The following CFAP20DC variants were observed in gnomAD, a reference collection of about 807,000 sequenced individuals.
CFAP20DC encodes the protein protein CFAP20DC.
In CFAP20DC, 84 loss-of-function variants were observed where a neutral mutation model predicts 101.7. That is an observed-to-expected ratio of 0.83 (90% confidence interval 0.69 to 0.99). CFAP20DC has a LOEUF of 0.99. Among genes scored for constraint, CFAP20DC ranks in the 50% least tolerant of loss-of-function variants. CFAP20DC has a pLI of 0.00. For synonymous variants in CFAP20DC, 359 were observed against 351.2 expected, an observed-to-expected ratio of 1.02 and a Z score of -0.25; for missense variants, 1,007 against 970.3, an observed-to-expected ratio of 1.04 and a Z score of -0.50.
rs1221466168 is a variant in CFAP20DC at position 58,892,213 on chromosome 3, C to T, written c.551-7504G>A. Reference sequence around the variant, plus strand: ...CTATGTGCCTGTTTTCGTATCAGTACCATGCTCTTTTGGTTACTGTAGACT... The same window carrying T: ...CTATGTGCCTGTTTTCGTATCAGTATCATGCTCTTTTGGTTACTGTAGACT... On this transcript the variant is annotated intron_variant, in intron 6 of 16. Coordinates refer to ENST00000482387, the MANE Select transcript of CFAP20DC (RefSeq NM_001394063.1). The surrounding 1 kb of genome is among the most constrained non-coding windows in gnomAD (Gnocchi z 4.0). Among the ~76,000 whole-genome samples, 2 of 152,216 alleles carry T rather than the reference C, an allele frequency of 1.3e-5. No individual in the cohort carries two copies. Among genetic ancestry groups the T allele is most frequent in the South Asian group, 2.1e-4 (1 of 4,828 alleles).
intron 13 of CFAP20DC, among the ~76,000 whole-genome samples, chr3:58,844,686 C>T (rs1259762165): frequency 7.8e-6 from 1 of 128,632 alleles, no homozygotes; most frequent in African/African-American, 3.8e-5. Context: ...CAGAACTCTC[C>T]ACCCCAAATC....
Position 58,868,192 on chromosome 3 carries a change from G to A in CFAP20DC, c.1016-256C>T, listed in dbSNP as rs563276729. Reference sequence around the variant, plus strand: ...ACCTTATAGAGGGCTAAAGTAATTTGACTAATGTTAATCATACAACATGGC... The same window carrying A: ...ACCTTATAGAGGGCTAAAGTAATTTAACTAATGTTAATCATACAACATGGC... On this transcript the variant is annotated intron_variant, in intron 9 of 16. Transcript: ENST00000482387. The surrounding 1 kb of genome is among the most constrained non-coding windows in gnomAD (Gnocchi z 4.6). 1.3e-5 allele frequency among the ~76,000 whole-genome samples: 2 copies of A among 152,166 alleles called. No homozygotes were observed. Among genetic ancestry groups the A allele is most frequent in the South Asian group, 2.1e-4 (1 of 4,818 alleles).
intron 6 of CFAP20DC, among the ~76,000 whole-genome samples, chr3:58,904,377 C>A (rs1462359263): frequency 6.6e-6 from 1 of 151,692 alleles, no homozygotes; most frequent in African/African-American, 2.4e-5. Context: ...TATTCATGAC[C>A]CATTTTTGGT....
intron 4 of CFAP20DC, among the ~76,000 whole-genome samples, chr3:58,939,306 C>A (rs2088166251): frequency 6.6e-6 from 1 of 151,878 alleles, no homozygotes; most frequent in African/African-American, 2.4e-5. Flanking sequence ...TCTGTAAGTT[C>A]TCATTAGGAA....
intron 12 of CFAP20DC, among the ~76,000 whole-genome samples, chr3:58,851,875 G>A (rs1172608371): frequency 6.6e-6 from 1 of 152,176 alleles, no homozygotes; most frequent in East Asian, 1.9e-4. Context: ...TGAACTTTTT[G>A]ATGAGAGAAG....
At chr3:58,986,090 C>A (rs951613331) in intron 4 of CFAP20DC, among the ~76,000 whole-genome samples, 1 of 152,154 alleles carries the variant, frequency 6.6e-6, no homozygotes, top group African/African-American at 2.4e-5. Flanking sequence ...ATGAACTGAG[C>A]TAATGAATAT....
rs2078362613 is a variant in CFAP20DC, at chr3:58,852,687, A to G, written c.1594-3278T>C. On this transcript the variant is annotated intron_variant, in intron 12 of 16. Transcript: ENST00000482387. ...AACTCAGGATTAAGAATCTCACTCAAAACCGCTCAACTACATGGAAACTGA... is the reference window on the plus strand; with the variant it reads ...AACTCAGGATTAAGAATCTCACTCAGAACCGCTCAACTACATGGAAACTGA... Among the ~76,000 whole-genome samples, 3 of 150,824 alleles carry G rather than the reference A, an allele frequency of 2.0e-5. 1 individual carries two copies. Among genetic ancestry groups the G allele is most frequent in the South Asian group, 4.3e-4 (2 of 4,688 alleles).
intron 7 of CFAP20DC, among the ~76,000 whole-genome samples, chr3:58,879,004 T>C (rs2081010105): frequency 6.8e-6 from 1 of 147,914 alleles, no homozygotes; most frequent in African/African-American, 2.5e-5. Context: ...CGAGACTTCG[T>C]CTCCGAAAAA....
rs190388749 is a variant in CFAP20DC, at chr3:58,931,974, C to T, written c.393+5674G>A. Among the ~76,000 whole-genome samples the T allele has an allele frequency of 9.2e-5, 14 of 152,204 alleles. No individual in the cohort carries two copies. In the South Asian group the frequency reaches 1.5e-3, roughly 16 times the overall value. ...AAGGCTTCAGATGATCAAACTACTC[C>T]GAGCTACAGGAGGAAATTCAAACCA... is the stretch of plus-strand genomic sequence containing the variant. On this transcript the variant is annotated intron_variant, in intron 5 of 16. Coordinates refer to ENST00000482387, the MANE Select transcript of CFAP20DC (RefSeq NM_001394063.1).
chr3:58,796,397 G>A (rs1196749965), intron 15 of CFAP20DC, among the ~76,000 whole-genome samples: 1 of 152,178 alleles, frequency 6.6e-6, no homozygotes, highest in Non-Finnish European at 1.5e-5. Context: ...TACTAGGGGT[G>A]CCCTTAACTG....
chr3:58,731,820 G>A (rs755311333), intron 3 of CFAP20DC, among the ~76,000 whole-genome samples: 80 of 152,150 alleles, frequency 5.3e-4, no homozygotes, highest in South Asian at 2.3e-3. Flanking sequence ...CATGATTAAT[G>A]CTCCATCTAT....
intron 3 of CFAP20DC, among the ~76,000 whole-genome samples, chr3:58,719,765 G>T (rs568837732): frequency 6.6e-6 from 1 of 152,228 alleles, no homozygotes; most frequent in Admixed American, 6.5e-5. Context: ...CTACTTTTGG[G>T]TAAGAGGCTG....
chr3:58,771,227 A>C (rs2070812576), intron 15 of CFAP20DC, among the ~76,000 whole-genome samples: 1 of 151,740 alleles, frequency 6.6e-6, no homozygotes, highest in South Asian at 2.1e-4. Flanking sequence ...AGGGAGGGGA[A>C]CATCACACAC....
chr3:58,847,945 C>T (rs1489669015), intron 13 of CFAP20DC, among the ~76,000 whole-genome samples: 2 of 123,052 alleles, frequency 1.6e-5, no homozygotes, highest in African/African-American at 6.4e-5. Context: ...CATATTCTCA[C>T]TCATAGGTGG....
At position 58,967,086 on chromosome 3, in the gene CFAP20DC, C is replaced by T. The variant is rs188594728; in HGVS notation, c.279-29324G>A. On this transcript the variant is annotated intron_variant, in intron 4 of 16. Transcript: ENST00000482387. ...AAGCATGAACAAAGTTGGAGGACTC[C>T]CATTTCCCGATTTAAAACTTATCAC... Among the ~76,000 whole-genome samples, 222 of 152,218 alleles carry T rather than the reference C, an allele frequency of 1.5e-3. 1 individual carries two copies. The highest frequency in any genetic ancestry group is 0.014 in the Middle Eastern group (4 of 294).
rs1201407659 is a variant in CFAP20DC at position 58,897,614 on chromosome 3, A to T, written c.551-12905T>A. Among the ~76,000 whole-genome samples the T allele has an allele frequency of 6.6e-6, 1 of 152,286 alleles. No individual in the cohort carries two copies. Among genetic ancestry groups the T allele is most frequent in the East Asian group, 1.9e-4 (1 of 5,182 alleles). On this transcript the variant is annotated intron_variant, in intron 6 of 16. Transcript: ENST00000482387. This position sits in a 1 kb window ranked among gnomAD's most constrained non-coding sequence, Gnocchi z 4.4. ...CTCAGCATTTGCTTGTCTGAAAATT[A>T]TCTTATTTCTTTTCACTTTTGAAGG... is the stretch of plus-strand genomic sequence containing the variant.
intron 4 of CFAP20DC, among the ~76,000 whole-genome samples, chr3:59,030,846 C>T (rs1000543582): frequency 2.2e-4 from 33 of 151,746 alleles, no homozygotes; most frequent in Admixed American, 1.6e-3. Context: ...TTTTTTGAGA[C>T]GGAGTCTCGC....
At chr3:58,831,033 G>A (rs2076358924) in intron 14 of CFAP20DC, among the ~76,000 whole-genome samples, 1 of 152,194 alleles carries the variant, frequency 6.6e-6, no homozygotes. Context: ...CCACTGACCA[G>A]GTGTGGAAGC....
At chr3:58,844,757 G>A (rs1424146814) in intron 13 of CFAP20DC, among the ~76,000 whole-genome samples, 1 of 133,368 alleles carries the variant, frequency 7.5e-6, no homozygotes, top group East Asian at 2.4e-4. Flanking sequence ...ACCACATACT[G>A]GGAAGTAAAG....
Sources: gnomAD v4.1 joint callset for allele counts (sites outside exome capture counted in the v4.1 genomes callset) on GRCh38, gnomAD v4.1.1 for gene constraint, Gnocchi (gnomAD v3.1) non-coding constraint, MANE v1.5 for transcripts, NCBI Gene and HGNC (gene_info 2026-07-23, HGNC 2026-07-21) for gene names.